The following GPC6 variants were observed in gnomAD, a reference collection of about 807,000 sequenced individuals.
The protein encoded by GPC6 is glypican 6.
A neutral mutation model predicts 55.2 loss-of-function variants in GPC6; 14 were observed. The ratio of observed to expected loss-of-function variants is 0.25; its 90% CI spans 0.17 to 0.40. The LOEUF is 0.40. Among genes scored for constraint, GPC6 ranks in the 10% least tolerant of loss-of-function variants. The pLI, the probability that GPC6 is intolerant of heterozygous loss-of-function variation, is 1.00. For missense variants in GPC6, 641 were observed against 708.5 expected, an observed-to-expected ratio of 0.90 and a Z score of 1.08; for synonymous variants, 278 against 259.6, an observed-to-expected ratio of 1.07 and a Z score of -0.68.
intron 3 of GPC6, among the ~76,000 whole-genome samples, chr13:93,997,112 C>A (rs549559454): frequency 3.9e-4 from 60 of 152,280 alleles, no homozygotes; most frequent in Non-Finnish European, 1.3e-4. Context: ...TCCTGAACTT[C>A]TCCGTGTTTC....
At chr13:93,426,506 C>T (rs61964167) in intron 1 of GPC6, among the ~76,000 whole-genome samples, 8 of 149,620 alleles carry the variant, frequency 5.3e-5, no homozygotes, top group Admixed American at 1.3e-4. Flanking sequence ...TTTGTTCTTG[C>T]GATAGTTTAC....
At chr13:93,564,458 A>G (rs1200998976) in intron 2 of GPC6, among the ~76,000 whole-genome samples, 5 of 152,150 alleles carry the variant, frequency 3.3e-5, no homozygotes, top group Non-Finnish European at 5.9e-5. Flanking sequence ...GAATTGAATT[A>G]CCTATTAAAA....
At chr13:94,117,316 A>G (rs549921699) in intron 4 of GPC6, among the ~76,000 whole-genome samples, 1 of 152,238 alleles carries the variant, frequency 6.6e-6, no homozygotes, top group South Asian at 2.1e-4. Flanking sequence ...TTGTATCCTG[A>G]ATAATAATTC....
chr13:93,911,557 A>C (rs1013834053), intron 3 of GPC6, among the ~76,000 whole-genome samples: 32 of 152,178 alleles, frequency 2.1e-4, no homozygotes, highest in African/African-American at 7.7e-4. Context: ...ACTGCATGGC[A>C]GTGTTGGGAA....
At chr13:94,267,864 A>C (rs1262447958) in intron 4 of GPC6, among the ~76,000 whole-genome samples, 1 of 152,218 alleles carries the variant, frequency 6.6e-6, no homozygotes, top group Non-Finnish European at 1.5e-5. Flanking sequence ...TTTCAAAATG[A>C]AGAGGCCTTC....
intron 1 of GPC6, among the ~76,000 whole-genome samples, chr13:93,497,181 C>T (rs1444868089): frequency 6.6e-6 from 1 of 152,140 alleles, no homozygotes; most frequent in Non-Finnish European, 1.5e-5. Flanking sequence ...TTCATGAAAG[C>T]ATAATGTTTT....
intron 4 of GPC6, among the ~76,000 whole-genome samples, chr13:94,123,579 G>T (rs1408340891): frequency 6.6e-6 from 1 of 151,950 alleles, no homozygotes; most frequent in Non-Finnish European, 1.5e-5. Context: ...ATATCATCAT[G>T]AGATAACATC....
At chr13:93,682,642 A>T (rs913843281) in intron 2 of GPC6, among the ~76,000 whole-genome samples, 1 of 152,078 alleles carries the variant, frequency 6.6e-6, no homozygotes, top group Non-Finnish European at 1.5e-5. Flanking sequence ...AATATTTGCT[A>T]TTTAGATTTC....
At chr13:94,357,945 C>G (rs1050874541) in intron 6 of GPC6, among the ~76,000 whole-genome samples, 1 of 152,170 alleles carries the variant, frequency 6.6e-6, no homozygotes, top group Non-Finnish European at 1.5e-5. Context: ...CGGTATCTTG[C>G]ACAGAGAAAA....
chr13:94,335,771 T>C (rs1877661044), intron 6 of GPC6, among the ~76,000 whole-genome samples: 2 of 152,206 alleles, frequency 1.3e-5, no homozygotes, highest in Admixed American at 1.3e-4. Context: ...AACTATCTTA[T>C]AGAGACTCCA....
chr13:93,367,299 A>G (rs1443554857), intron 1 of GPC6, among the ~76,000 whole-genome samples: 1 of 152,098 alleles, frequency 6.6e-6, no homozygotes, highest in Admixed American at 6.6e-5. Context: ...AGCAAGGAAT[A>G]TCCCTAGTTT....
chr13:93,371,877 T>A (rs560636211), intron 1 of GPC6, among the ~76,000 whole-genome samples: 1 of 152,174 alleles, frequency 6.6e-6, no homozygotes, highest in South Asian at 2.1e-4. Flanking sequence ...TAGAATTCAT[T>A]GTTAGCCTTA....
chr13:93,769,305 G>A (rs1210506945), intron 2 of GPC6, among the ~76,000 whole-genome samples: 2 of 152,036 alleles, frequency 1.3e-5, no homozygotes, highest in Non-Finnish European at 2.9e-5. Context: ...AAGAAGGAAT[G>A]TACACGTCTC....
intron 4 of GPC6, among the ~76,000 whole-genome samples, chr13:94,243,628 C>T (rs1440672088): frequency 6.6e-6 from 1 of 152,088 alleles, no homozygotes; most frequent in African/African-American, 2.4e-5. Context: ...AATCATTAAA[C>T]TCTGTCCTCC....
At chr13:93,931,468 A>G (rs1329050604) in intron 3 of GPC6, among the ~76,000 whole-genome samples, 1 of 151,166 alleles carries the variant, frequency 6.6e-6, no homozygotes, top group East Asian at 1.9e-4. Flanking sequence ...GTAAAAGATC[A>G]GAAGGTGGGC....
chr13:94,092,087 C>G (rs960906673), intron 4 of GPC6, among the ~76,000 whole-genome samples: 1 of 139,032 alleles, frequency 7.2e-6, no homozygotes, highest in South Asian at 2.2e-4. Flanking sequence ...TTCACACATC[C>G]ATCACCTCAC....
chr13:94,349,670 C>G (rs541015516), intron 6 of GPC6, among the ~76,000 whole-genome samples: 2 of 152,272 alleles, frequency 1.3e-5, no homozygotes, highest in South Asian at 4.1e-4. Flanking sequence ...TTTGGTCAAC[C>G]TAGAAGTCCT....
chr13:93,763,110 A>C (rs777503718), intron 2 of GPC6, among the ~76,000 whole-genome samples: 2 of 152,202 alleles, frequency 1.3e-5, no homozygotes, highest in Non-Finnish European at 2.9e-5. Context: ...ATAAAGAGCA[A>C]CTATTAATTC....
the GPC6 span, among the ~76,000 whole-genome samples, chr13:93,217,099 A>G: frequency 6.6e-6 from 1 of 152,234 alleles, no homozygotes; most frequent in Admixed American, 6.5e-5. Context: ...TCTAATGAAT[A>G]TTTCAATTCA....
Sources: allele counts gnomAD v4.1 joint callset (sites outside exome capture counted in the v4.1 genomes callset), GRCh38; gene constraint gnomAD v4.1.1; transcripts MANE v1.5; gene names NCBI Gene and HGNC (gene_info 2026-07-23, HGNC 2026-07-21).